Variants in YARS1 observed in about 807,000 individuals in gnomAD.
YARS1 encodes tyrosine--tRNA ligase, cytoplasmic.
A neutral mutation model predicts 62.2 loss-of-function variants in YARS1; 36 were observed. The observed-to-expected ratio is 0.58, with a 90% CI of 0.44 to 0.76. YARS1 has a LOEUF of 0.76. Ranked by LOEUF, YARS1 falls within the 30% of genes least tolerant of loss-of-function variation. YARS1 has a pLI of 0.00. For missense variants in YARS1, 524 were observed against 639.8 expected (o/e 0.82, Z 1.95); for synonymous variants, 234 against 244.9 (o/e 0.96, Z 0.42).
At chr1:32,793,223 A>G (rs1653471690) in intron 5 of YARS1, among the ~76,000 whole-genome samples, 2 of 152,216 alleles carry the variant, frequency 1.3e-5, no homozygotes, top group African/African-American at 4.8e-5. Flanking sequence ...GAAAGAGAAT[A>G]AGAGAGAAGC....
intron 5 of YARS1, 44 bp downstream of exon 5, chr1:32,797,719 C>T (rs746280730): frequency 2.6e-6 from 4 of 1,516,250 alleles, no homozygotes; most frequent in Admixed American, 3.3e-5. Context: ...CAGCTGCATA[C>T]CTCTGAGGTG....
chr1:32,797,036 A>T (rs181828596), intron 5 of YARS1, among the ~76,000 whole-genome samples: 1 of 73,318 alleles, frequency 1.4e-5, no homozygotes, highest in Non-Finnish European at 2.4e-5. Context: ...ATATATATAT[A>T]TATATATATA....
intron 10 of YARS1, 116 bp downstream of exon 10, chr1:32,780,932 A>G: frequency 1.1e-6 from 1 of 925,354 alleles, no homozygotes; most frequent in Non-Finnish European, 1.8e-6. Flanking sequence ...CTGCACTCTG[A>G]CTTGCAATAT....
intron 5 of YARS1, among the ~76,000 whole-genome samples, chr1:32,794,009 T>C (rs1163129973): frequency 6.6e-6 from 1 of 151,268 alleles, no homozygotes; most frequent in Non-Finnish European, 1.5e-5. Context: ...GAATCAAGAG[T>C]ATCAGAAAGG....
At chr1:32,785,318 G>A (rs1049588072) in intron 8 of YARS1, among the ~76,000 whole-genome samples, 14 of 151,824 alleles carry the variant, frequency 9.2e-5, no homozygotes, top group Non-Finnish European at 1.3e-4. Context: ...AAAATTAGCC[G>A]GGTGTGGTGG....
intron 1 of YARS1, chr1:32,811,679 C>A (rs1227576440): frequency 6.3e-6 from 1 of 158,278 alleles, no homozygotes; most frequent in Non-Finnish European, 1.4e-5. Flanking sequence ...ATTTTGAGCA[C>A]TAGCCATCTC....
At chr1:32,779,849 G>GGTAT in intron 11 of YARS1, 1 of 621,860 alleles carries the variant, frequency 1.6e-6, no homozygotes. Context: ...GTAAGACTTG[G>GGTAT]GTATGTACTG....
intron 9 of YARS1, chr1:32,782,114 A>G (rs1314872999): frequency 2.4e-5 from 11 of 452,498 alleles, no homozygotes; most frequent in South Asian, 2.4e-4. Context: ...CCCGGTCACT[A>G]TCTTTAATGA....
At chr1:32,811,080 A>T in intron 1 of YARS1, 23 bp from the exon 2 acceptor site, 1 of 1,613,790 alleles carries the variant, frequency 6.2e-7, no homozygotes, top group Non-Finnish European at 8.5e-7. Context: ...CAGAAGAGTT[A>T]GTTTAATGTC....
chr1:32,786,434 T>C lies in YARS1; in HGVS notation c.834A>G (p.Leu278=), dbSNP rs775458319. 1 of 1,613,842 alleles carries C rather than the reference T, an allele frequency of 6.2e-7. No individual in the cohort carries two copies. Among genetic ancestry groups the C allele is most frequent in the African/African-American group, 1.3e-5 (1 of 74,926 alleles). ...TGTTTCCACCCCATTTCTCATCTCGTAGGATCACAAACTCTATAAGGAAAA... is the reference window on the plus strand; with the variant it reads ...TGTTTCCACCCCATTTCTCATCTCGCAGGATCACAAACTCTATAAGGAAAA... The part of the protein sequence containing the change: ...LFPLKSEFVI[L]RDEKWGGNKT... The change falls in exon 8 of 13, where the codon CTA becomes CTG. Residue 278 remains leucine (L), a synonymous_variant. Coordinates refer to ENST00000373477, the MANE Select transcript of YARS1 (RefSeq NM_003680.4).
At chr1:32,785,571 C>G (rs971002728) in intron 8 of YARS1, among the ~76,000 whole-genome samples, 19 of 151,302 alleles carry the variant, frequency 1.3e-4, no homozygotes, top group Non-Finnish European at 2.7e-4. Flanking sequence ...CTTTCTTTTT[C>G]TTTTCTTTTC....
rs1056274616 is a variant in YARS1 at position 32,782,492 on chromosome 1, G to T, written c.954C>A (p.Asn318Lys). The T allele has an allele frequency of 1.2e-6, 2 of 1,614,132 alleles. No individual in the cohort carries two copies. The highest frequency in any genetic ancestry group is 1.7e-6 in the Non-Finnish European group (2 of 1,180,026). ...DLKNSVEVAL[N>K]KLLDPIREKF... ...TTTCCCGGATTGGATCCAGCAACTT[G>T]TTCAGTGCGACTTCAACAGAATTCT... is the stretch of plus-strand genomic sequence containing the variant. Residue 318 changes from asparagine (N) to lysine (K), a missense_variant, in exon 9 of 13, where the codon AAC becomes AAA. Transcript: ENST00000373477.
intron 5 of YARS1, among the ~76,000 whole-genome samples, chr1:32,796,692 A>G (rs892464416): frequency 4.6e-5 from 7 of 151,668 alleles, no homozygotes; most frequent in African/African-American, 1.5e-4. Context: ...GGCTGGGTGC[A>G]GTGGCTCACA....
intron 5 of YARS1, among the ~76,000 whole-genome samples, chr1:32,794,645 C>T (rs911041505): frequency 6.6e-6 from 1 of 151,932 alleles, no homozygotes; most frequent in Non-Finnish European, 1.5e-5. Flanking sequence ...CTGTCTTGGC[C>T]TCCCAAAGTG....
chr1:32,775,939 G>T lies in YARS1; in HGVS notation c.*42C>A. 6.6e-7 allele frequency: 1 copy of T among 1,517,466 alleles called. No homozygotes were observed. The highest frequency in any genetic ancestry group is 9.2e-7 in the Non-Finnish European group (1 of 1,092,608). The allele number at this position is 1,517,466 out of a possible 1,614,324, so 94.0% of individuals were successfully genotyped here. A position where few individuals can be genotyped will look rare whatever the true frequency, so the allele number is the denominator to read the frequency against. On this transcript the variant is annotated 3_prime_UTR_variant, in exon 13 of 13. Coordinates refer to ENST00000373477, the MANE Select transcript of YARS1 (RefSeq NM_003680.4). Reference sequence around the variant, plus strand: ...GATGGAGCAGACTGAAGAGACAGCAGATGACTCAGTGGTGGAAGAAGGGGG... The same window carrying T: ...GATGGAGCAGACTGAAGAGACAGCATATGACTCAGTGGTGGAAGAAGGGGG...
chr1:32,794,358 T>TAAAA (rs199675764), intron 5 of YARS1, among the ~76,000 whole-genome samples: 1 of 148,990 alleles, frequency 6.7e-6, no homozygotes, highest in Non-Finnish European at 1.5e-5. Context: ...TCAGAAAAAT[T>TAAAA]AAAAAAAAAA....
In YARS1 at chr1:32,796,412, T is replaced by C. The variant is rs1653585909; in HGVS notation, c.591+1351A>G. ...ACAAGGTCTTGCTTTGTCACCCAGT[T>C]TGGAGTGTGATGGTGTGATCATGGC... On this transcript the variant is annotated intron_variant, in intron 5 of 12. Coordinates refer to ENST00000373477, the MANE Select transcript of YARS1 (RefSeq NM_003680.4). Among the ~76,000 whole-genome samples, 3 of 151,984 alleles carry C rather than the reference T, an allele frequency of 2.0e-5. No homozygotes were observed. The South Asian group carries it at 6.2e-4, about 32-fold the overall frequency.
At chr1:32,787,661 C>T (rs1280502803) in intron 6 of YARS1, among the ~76,000 whole-genome samples, 2 of 152,084 alleles carry the variant, frequency 1.3e-5, no homozygotes. Flanking sequence ...AGGTGCCTGT[C>T]ACCACGCCCA....
intron 6 of YARS1, among the ~76,000 whole-genome samples, chr1:32,788,580 C>A (rs981129520): frequency 6.6e-6 from 1 of 151,370 alleles, no homozygotes; most frequent in Non-Finnish European, 1.5e-5. Context: ...TACAGGCATG[C>A]ACCACCAAGC....
Sources: gnomAD v4.1 joint callset for allele counts (sites outside exome capture counted in the v4.1 genomes callset) on GRCh38, gnomAD v4.1.1 for gene constraint, MANE v1.5 for transcripts, NCBI Gene and HGNC (gene_info 2026-07-23, HGNC 2026-07-21) for gene names.